The following SEPTIN9 variants were observed in gnomAD, a reference collection of about 807,000 sequenced individuals.
SEPTIN9 encodes the protein septin 9, also known as septin-9.
A neutral mutation model predicts 56.6 loss-of-function variants in SEPTIN9; 13 were observed. That is an observed-to-expected ratio of 0.23 (90% CI 0.15 to 0.37). The LOEUF is 0.37. Ranked by LOEUF, SEPTIN9 falls within the 10% of genes least tolerant of loss-of-function variation. SEPTIN9 has a pLI of 1.00. For synonymous variants in SEPTIN9, 332 were observed against 334.1 expected (o/e 0.99, Z 0.07); for missense variants, 650 against 823.1 (o/e 0.79, Z 2.57).
At chr17:77,490,490 G>A (rs1049662843) in intron 7 of SEPTIN9, among the ~76,000 whole-genome samples, 1 of 152,226 alleles carries the variant, frequency 6.6e-6, no homozygotes, top group South Asian at 2.1e-4. Flanking sequence ...ACTCATGGAC[G>A]AGGGTGCTTG....
Position 77,475,186 on chromosome 17 carries a change from T to TA in SEPTIN9, c.722-6958_722-6957insA. The TA allele has an allele frequency of 8.4e-7, 1 of 1,186,240 alleles. No individual in the cohort carries two copies. Among genetic ancestry groups the TA allele is most frequent in the Non-Finnish European group, 1.1e-6 (1 of 951,400 alleles). The allele number at this position is 1,186,240 out of a possible 1,614,324, so 73.5% of individuals were successfully genotyped here. ...GAGCGTGATGGATGAGGTGTCTGGC[T>TA]TCACAAACCCTGTGTGGGGGGGTTG... On this transcript the variant is annotated intron_variant, in intron 3 of 11. Coordinates refer to ENST00000427177, the MANE Select transcript of SEPTIN9 (RefSeq NM_001113491.2). The surrounding 1 kb of genome is among the most constrained non-coding windows in gnomAD (Gnocchi z 4.6).
At position 77,402,322 on chromosome 17, in the gene SEPTIN9, A is replaced by T. The variant is rs1414985906; in HGVS notation, c.340A>T (p.Ile114Phe). 7 of 1,612,610 alleles carry T rather than the reference A, an allele frequency of 4.3e-6. No homozygotes were observed. Among genetic ancestry groups the T allele is most frequent in the Non-Finnish European group, 5.1e-6 (6 of 1,179,794 alleles). The part of the protein sequence containing the change: ...VSRRTELSID[I>F]SSKQVENAGA... ...CCGGCGCACTGAGCTGTCCATTGAC[A>T]TCTCGTCCAAGCAGGTGGAGAACGC... Residue 114 changes from isoleucine (I) to phenylalanine (F), a missense_variant, in exon 3 of 12, where the codon ATC (isoleucine) becomes TTC (phenylalanine). Around this residue, in one of 2 missense-constraint regions of SEPTIN9, gnomAD observed 317 missense variants for 329.1 expected, o/e 0.96. Coordinates refer to ENST00000427177, the MANE Select transcript of SEPTIN9 (RefSeq NM_001113491.2). The surrounding 1 kb of genome is among the most constrained non-coding windows in gnomAD (Gnocchi z 6.6).
intron 3 of SEPTIN9, among the ~76,000 whole-genome samples, chr17:77,470,407 C>T (rs2038942298): frequency 6.6e-6 from 1 of 151,834 alleles, no homozygotes; most frequent in Non-Finnish European, 1.5e-5. Flanking sequence ...CTCATCCACG[C>T]ATCCACTCAC....
chr17:77,477,160 A>C (rs2039249115), intron 3 of SEPTIN9, among the ~76,000 whole-genome samples: 1 of 138,870 alleles, frequency 7.2e-6, no homozygotes, highest in Non-Finnish European at 1.5e-5. Flanking sequence ...TCCCGTCCTC[A>C]TGGGGATATA....
At position 77,435,585 on chromosome 17, in the gene SEPTIN9, C is replaced by T. The variant is rs1385158804; in HGVS notation, c.721+32882C>T. Among the ~76,000 whole-genome samples, 2 of 152,222 alleles carry T rather than the reference C, an allele frequency of 1.3e-5. No individual in the cohort carries two copies. The highest frequency in any genetic ancestry group is 4.8e-5 in the African/African-American group (2 of 41,452). ...TGGTCTGGAGGTGCCAGTGGTCACT[C>T]ATCAGCACAGCCCAGTCTCACACAT... On this transcript the variant is annotated intron_variant, in intron 3 of 11. Transcript: ENST00000427177. This position sits in a 1 kb window ranked among gnomAD's most constrained non-coding sequence, Gnocchi z 4.5.
intron 3 of SEPTIN9, among the ~76,000 whole-genome samples, chr17:77,413,276 G>A (rs2036369836): frequency 6.6e-6 from 1 of 152,152 alleles, no homozygotes; most frequent in Non-Finnish European, 1.5e-5. Flanking sequence ...GAAACCATCT[G>A]AGCCTGATAC....
rs890811534 is a variant in SEPTIN9, at chr17:77,445,482, G to GTGCA, written c.722-36661_722-36658dup. On this transcript the variant is annotated intron_variant, in intron 3 of 11. Coordinates refer to ENST00000427177, the MANE Select transcript of SEPTIN9 (RefSeq NM_001113491.2). The surrounding 1 kb of genome is among the most constrained non-coding windows in gnomAD (Gnocchi z 4.7). ...GGCCGAGGAGCTTGGCAGGAGCAGA[G>GTGCA]TGCAGGACCTGGGAACTGGGGGTTG... 2 of 460,722 alleles carry GTGCA rather than the reference G, an allele frequency of 4.3e-6. No individual in the cohort carries two copies. The highest frequency in any genetic ancestry group is 4.0e-5 in the African/African-American group (2 of 49,880). The allele number at this position is 460,722 out of a possible 1,614,324, so 28.5% of individuals were successfully genotyped here. A position where few individuals can be genotyped will look rare whatever the true frequency, so the allele number is the denominator to read the frequency against.
intron 3 of SEPTIN9, among the ~76,000 whole-genome samples, chr17:77,432,738 G>A (rs756495578): frequency 6.6e-6 from 1 of 152,282 alleles, no homozygotes; most frequent in Non-Finnish European, 1.5e-5. Flanking sequence ...TGCAGTTGCT[G>A]TTTGGAGAAT....
intron 3 of SEPTIN9, among the ~76,000 whole-genome samples, chr17:77,439,260 G>A (rs1339912573): frequency 6.6e-6 from 1 of 152,186 alleles, no homozygotes; most frequent in Non-Finnish European, 1.5e-5. Context: ...CATTGGCAGG[G>A]GTTGGAAGAG....
At chr17:77,455,039 G>A (rs1196359627) in intron 3 of SEPTIN9, among the ~76,000 whole-genome samples, 2 of 151,920 alleles carry the variant, frequency 1.3e-5, no homozygotes, top group Non-Finnish European at 2.9e-5. Context: ...AACGCGATTG[G>A]CTCTCTTTCT....
In SEPTIN9 at chr17:77,417,645, T is replaced by C. The variant is rs141306054; in HGVS notation, c.721+14942T>C. Among the ~76,000 whole-genome samples, 196 of 152,332 alleles carry C rather than the reference T, an allele frequency of 1.3e-3. 2 individuals carry two copies. Among genetic ancestry groups the C allele is most frequent in the Non-Finnish European group, 2.2e-3 (148 of 68,030 alleles). On this transcript the variant is annotated intron_variant, in intron 3 of 11. Coordinates refer to ENST00000427177, the MANE Select transcript of SEPTIN9 (RefSeq NM_001113491.2). The stretch of plus-strand genomic sequence containing the variant: ...GCTGTTGGAGAGTTCCTGAGGACTT[T>C]ATACCAGACAAGGGCCGGTAAGTGG...
intron 10 of SEPTIN9, among the ~76,000 whole-genome samples, chr17:77,494,106 C>T (rs1486303059): frequency 6.6e-6 from 1 of 152,166 alleles, no homozygotes; most frequent in Admixed American, 6.5e-5. Context: ...GACAAGGATG[C>T]CTGTCTTTGG....
chr17:77,497,217 G>A (rs990055804), intron 10 of SEPTIN9, 98 bp from the exon 11 acceptor site: 2 of 1,279,750 alleles, frequency 1.6e-6, no homozygotes, highest in African/African-American at 2.9e-5. Flanking sequence ...CTCAGACTCT[G>A]CTTTTGGCAC....
rs1355939187 is a variant in SEPTIN9 at position 77,323,164 on chromosome 17, C to T, written c.76+15967C>T. On this transcript the variant is annotated intron_variant, in intron 2 of 11. Transcript: ENST00000427177. This position sits in a 1 kb window ranked among gnomAD's most constrained non-coding sequence, Gnocchi z 6.8. The stretch of plus-strand genomic sequence containing the variant: ...TCCGGTCTGGTTTGTGAACGGGGGC[C>T]TGGGTACTCTCCCGCCCTCCCTGGG... Among the ~76,000 whole-genome samples, 1 of 152,106 alleles carries T rather than the reference C, an allele frequency of 6.6e-6. No homozygotes were observed. The highest frequency in any genetic ancestry group is 6.5e-5 in the Admixed American group (1 of 15,276).
chr17:77,420,585 GTCC>G (rs2036663645), intron 3 of SEPTIN9, among the ~76,000 whole-genome samples: 1 of 152,138 alleles, frequency 6.6e-6, no homozygotes, highest in African/African-American at 2.4e-5. Context: ...AGCCTGAGCT[GTCC>G]TCCTGGTGGA....
At chr17:77,416,706 G>A (rs1009197824) in intron 3 of SEPTIN9, among the ~76,000 whole-genome samples, 11 of 152,166 alleles carry the variant, frequency 7.2e-5, no homozygotes, top group Admixed American at 5.9e-4. Flanking sequence ...ACCGGGATAC[G>A]GACAGCAGCC....
Position 77,492,967 on chromosome 17 carries a change from G to GC in SEPTIN9, c.1477-10dup, listed in dbSNP as rs1427729572. On this transcript the variant is annotated splice_polypyrimidine_tract_variant and intron_variant, in intron 9 of 11. Coordinates refer to ENST00000427177, the MANE Select transcript of SEPTIN9 (RefSeq NM_001113491.2). The surrounding 1 kb of genome is among the most constrained non-coding windows in gnomAD (Gnocchi z 5.4). ...CGCACATGTGTAACCAATACCGTCT[G>GC]CCCGTTCCCCAGGAGATGATCCCAT... The GC allele has an allele frequency of 2.6e-6, 4 of 1,558,528 alleles. No homozygotes were observed. Among genetic ancestry groups the GC allele is most frequent in the Non-Finnish European group, 3.5e-6 (4 of 1,150,966 alleles).
At chr17:77,312,224 C>T (rs9910855) in intron 2 of SEPTIN9, among the ~76,000 whole-genome samples, 61,524 of 151,972 alleles carry the variant, frequency 0.4, 13,826 homozygotes, top group East Asian at 0.53. Flanking sequence ...TACCACTTCC[C>T]TCCCTGTGTG....
chr17:77,307,141 G>T lies in SEPTIN9; in HGVS notation c.20G>T (p.Gly7Val). 6.2e-7 allele frequency: 1 copy of T among 1,613,922 alleles called. No individual in the cohort carries two copies. The highest frequency in any genetic ancestry group is 2.2e-5 in the East Asian group (1 of 44,882). The change falls in exon 2 of 12, where the codon GGA becomes GTA. Residue 7 changes from glycine to valine, a missense_variant and splice_region_variant. Transcript: ENST00000427177. ...CTTTGCCCTTTGTCTCTGTCTTTAG[G>T]AGGCACGCGGACCTCCAGTGGCCGG... Reference protein sequence around the residue: MKKSYSGGTRTSSGRLR... With the variant: MKKSYSVGTRTSSGRLR...
Sources: allele counts gnomAD v4.1 joint callset (sites outside exome capture counted in the v4.1 genomes callset), GRCh38; gene constraint gnomAD v4.1.1; regional missense constraint gnomAD v4.1.1; non-coding constraint Gnocchi (gnomAD v3.1); transcripts MANE v1.5; gene names NCBI Gene and HGNC (gene_info 2026-07-23, HGNC 2026-07-21).